The following SEMA3A variants were observed in gnomAD, a reference collection of about 807,000 sequenced individuals.
The protein encoded by SEMA3A is semaphorin-3A.
A neutral mutation model predicts 97.9 loss-of-function variants in SEMA3A; 29 were observed. The ratio of observed to expected loss-of-function variants is 0.30; its 90% confidence interval spans 0.22 to 0.40. The LOEUF is 0.40. Ranked by LOEUF, SEMA3A falls within the 10% of genes least tolerant of loss-of-function variation. The pLI, the probability that SEMA3A is intolerant of heterozygous loss-of-function variation, is 1.00. For missense variants in SEMA3A, 763 were observed against 951.3 expected, an observed-to-expected ratio of 0.80 and a Z score of 2.60; for synonymous variants, 321 against 323.7, an observed-to-expected ratio of 0.99 and a Z score of 0.09.
intron 3 of SEMA3A, among the ~76,000 whole-genome samples, chr7:84,266,313 C>CAAAAAAA (rs57809084): frequency 6.4e-3 from 448 of 70,266 alleles, no homozygotes; most frequent in Middle Eastern, 0.015. Context: ...GATTTGGTCT[C>CAAAAAAA]AAAAAAAAAA....
intron 1 of SEMA3A, among the ~76,000 whole-genome samples, chr7:84,427,240 T>G (rs901549758): frequency 6.6e-6 from 1 of 152,052 alleles, no homozygotes; most frequent in Non-Finnish European, 1.5e-5. Context: ...AAGGGAGATA[T>G]CTATGAATTA....
At chr7:84,147,734 T>A (rs1260236648) in intron 1 of SEMA3A, among the ~76,000 whole-genome samples, 1 of 152,220 alleles carries the variant, frequency 6.6e-6, no homozygotes, top group Non-Finnish European at 1.5e-5. Flanking sequence ...TGCATATGGG[T>A]TAGATAGCTC....
chr7:84,260,581 A>G (rs536726896), intron 3 of SEMA3A, among the ~76,000 whole-genome samples: 2 of 152,200 alleles, frequency 1.3e-5, no homozygotes, highest in African/African-American at 4.8e-5. Context: ...ACCTACTCCA[A>G]TTTTGGACCA....
chr7:84,150,983 GACACCTC>G (rs1796639754), intron 1 of SEMA3A, among the ~76,000 whole-genome samples: 1 of 148,864 alleles, frequency 6.7e-6, no homozygotes, highest in Non-Finnish European at 1.5e-5. Flanking sequence ...GGGGCACACT[GACACCTC>G]ACACTGCAGG....
chr7:84,203,184 A>T (rs1379531354), intron 3 of SEMA3A, among the ~76,000 whole-genome samples: 1 of 152,050 alleles, frequency 6.6e-6, no homozygotes, highest in East Asian at 1.9e-4. Context: ...GCCTTGCATA[A>T]TACATCACAA....
chr7:84,450,741 G>T (rs1805534086), intron 1 of SEMA3A, among the ~76,000 whole-genome samples: 1 of 152,108 alleles, frequency 6.6e-6, no homozygotes, highest in African/African-American at 2.4e-5. Context: ...TTATGCTTTT[G>T]ATTTGCATTT....
intron 6 of SEMA3A, among the ~76,000 whole-genome samples, chr7:84,035,286 C>T (rs1400535610): frequency 6.6e-6 from 1 of 151,928 alleles, no homozygotes; most frequent in African/African-American, 2.4e-5. Context: ...ACACAATTTA[C>T]ACATTTACAT....
chr7:84,255,150 C>T (rs1799691235), intron 3 of SEMA3A, among the ~76,000 whole-genome samples: 1 of 152,014 alleles, frequency 6.6e-6, no homozygotes, highest in Non-Finnish European at 1.5e-5. Context: ...CATTGGCAGG[C>T]CTTGGTTCAA....
chr7:84,171,285 G>A (rs1451195157), intron 1 of SEMA3A, among the ~76,000 whole-genome samples: 1 of 152,122 alleles, frequency 6.6e-6, no homozygotes, highest in Non-Finnish European at 1.5e-5. Flanking sequence ...TAGGAAGGTG[G>A]CTTTGTGCAC....
intron 1 of SEMA3A, among the ~76,000 whole-genome samples, chr7:84,432,742 G>T (rs2116322269): frequency 6.6e-6 from 1 of 152,158 alleles, no homozygotes; most frequent in Admixed American, 6.5e-5. Flanking sequence ...TGGCTGCATA[G>T]TATTTCATGG....
At chr7:84,301,903 A>G (rs566383157) in intron 3 of SEMA3A, among the ~76,000 whole-genome samples, 1 of 152,230 alleles carries the variant, frequency 6.6e-6, no homozygotes, top group Non-Finnish European at 1.5e-5. Flanking sequence ...CACCTACCAA[A>G]TCTCCCTGAT....
At position 84,407,826 on chromosome 7, in the gene SEMA3A, A is replaced by G. The variant is rs552003509; in HGVS notation, c.-245-35926T>C. Among the ~76,000 whole-genome samples, 106 of 152,312 alleles carry G rather than the reference A, an allele frequency of 7.0e-4. 1 individual carries two copies. Among genetic ancestry groups the G allele is most frequent in the African/African-American group, 2.4e-3 (98 of 41,582 alleles). ...CCCTATTTAATAAATGATGCTGGGAAAACTGGTTAGCCATATGTAGAAAGC... is the reference window on the plus strand; with the variant it reads ...CCCTATTTAATAAATGATGCTGGGAGAACTGGTTAGCCATATGTAGAAAGC... On this transcript the variant is annotated intron_variant, in intron 1 of 3. Coordinates refer to the SEMA3A transcript ENST00000424555.
At chr7:84,321,854 C>A (rs1437551865) in intron 2 of SEMA3A, among the ~76,000 whole-genome samples, 2 of 111,710 alleles carry the variant, frequency 1.8e-5, no homozygotes, top group Non-Finnish European at 3.4e-5. Flanking sequence ...CCAGCCTGGC[C>A]GACAGAGCGA....
At chr7:84,367,363 T>C (rs1802872552) in intron 2 of SEMA3A, among the ~76,000 whole-genome samples, 1 of 151,380 alleles carries the variant, frequency 6.6e-6, no homozygotes, top group African/African-American at 2.4e-5. Context: ...CAGTGGATCC[T>C]CAAAAATAAT....
intron 1 of SEMA3A, among the ~76,000 whole-genome samples, chr7:84,401,886 G>A (rs1803914058): frequency 6.6e-6 from 1 of 152,104 alleles, no homozygotes; most frequent in Non-Finnish European, 1.5e-5. Flanking sequence ...CCAAAGACCT[G>A]AAACTATGAA....
intron 4 of SEMA3A, 78 bp downstream of exon 4, chr7:84,110,392 A>T (rs1795240531): frequency 1.3e-6 from 2 of 1,532,358 alleles, no homozygotes; most frequent in Non-Finnish European, 1.8e-6. Flanking sequence ...AGCAAAATAA[A>T]CTGAAGAAAT....
At chr7:84,023,172 G>C (rs897630842) in intron 6 of SEMA3A, among the ~76,000 whole-genome samples, 6 of 152,296 alleles carry the variant, frequency 3.9e-5, no homozygotes, top group Middle Eastern at 3.4e-3. Context: ...TACACTTAAT[G>C]AAAATGACAC....
chr7:84,055,410 G>A (rs1373261694), intron 5 of SEMA3A, among the ~76,000 whole-genome samples: 1 of 152,200 alleles, frequency 6.6e-6, no homozygotes, highest in Non-Finnish European at 1.5e-5. Context: ...CTCCTGGTGC[G>A]CCGTTTTTTA....
intron 3 of SEMA3A, among the ~76,000 whole-genome samples, chr7:84,300,253 T>C (rs1800977181): frequency 6.6e-6 from 1 of 151,848 alleles, no homozygotes; most frequent in African/African-American, 2.4e-5. Context: ...TATATGCATA[T>C]ATTTCATATA....
Sources: gnomAD v4.1 joint callset for allele counts (sites outside exome capture counted in the v4.1 genomes callset) on GRCh38, gnomAD v4.1.1 for gene constraint, MANE v1.5 for transcripts, NCBI Gene and HGNC (gene_info 2026-07-23, HGNC 2026-07-21) for gene names.